The following WDR81 variants were observed in gnomAD, a reference collection of about 807,000 sequenced individuals.
WDR81 encodes the protein WD repeat domain 81.
Under a neutral mutation model 140.8 loss-of-function variants are expected in WDR81, and 92 were observed. The observed-to-expected ratio is 0.65, with a 90% CI of 0.55 to 0.78. WDR81 has a LOEUF of 0.78. Ranked by LOEUF, WDR81 falls within the 30% of genes least tolerant of loss-of-function variation. WDR81 has a pLI of 0.00. For missense variants in WDR81, 2,502 were observed against 2,636.4 expected (o/e 0.95, Z 1.12); for synonymous variants, 1,183 against 1,156.4 (o/e 1.02, Z -0.47).
chr17:1,730,557 T>G (rs984381005), intron 2 of WDR81, 70 bp downstream of exon 2: 1 of 1,504,368 alleles, frequency 6.6e-7, no homozygotes, highest in African/African-American at 1.4e-5. Flanking sequence ...TTCAGCGCTC[T>G]CCGGCGGGGA....
Position 1,725,670 on chromosome 17 carries a change from C to G in WDR81, c.711C>G (p.Tyr237Ter). The part of the protein sequence containing the change: ...SPEMLYVVHP[Y>*]VQFSLHDVVT... ...AGATGCTGTATGTGGTACACCCTTA[C>G]GTACAGTTCTCCCTACATGACGTGG... Residue 237 changes from tyrosine to a stop codon, truncating the protein, a stop_gained, in exon 1 of 10, where the codon TAC becomes TAG. Coordinates refer to ENST00000409644, the MANE Select transcript of WDR81 (RefSeq NM_001163809.2). LOFTEE classifies it high-confidence loss of function. 6.5e-7 allele frequency: 1 copy of G among 1,548,038 alleles called. No homozygotes were observed. Among genetic ancestry groups the G allele is most frequent in the Non-Finnish European group, 8.7e-7 (1 of 1,147,008 alleles).
rs773836413 is a variant in WDR81, at chr17:1,737,638, C to T, written c.5779C>T (p.His1927Tyr). ...TSLALLPTKR[H>Y]LLLGSDNGVI... ...CCTGGCCTTGCTGCCCACTAAACGC[C>T]ACCTCCTGCTGGGCTCAGACAACGG... The change falls in exon 10 of 10, where the codon CAC (histidine) becomes TAC (tyrosine). Residue 1927 changes from histidine to tyrosine, a missense_variant. Coordinates refer to ENST00000409644, the MANE Select transcript of WDR81 (RefSeq NM_001163809.2). The T allele has an allele frequency of 6.2e-7, 1 of 1,612,428 alleles. No individual in the cohort carries two copies. Among genetic ancestry groups the T allele is most frequent in the Non-Finnish European group, 8.5e-7 (1 of 1,179,964 alleles).
chr17:1,730,536 C>T (rs1174006761), intron 2 of WDR81, 49 bp downstream of exon 2: 4 of 1,563,500 alleles, frequency 2.6e-6, no homozygotes, highest in African/African-American at 1.4e-5. Flanking sequence ...CTCCCAGGCC[C>T]TCTGCCTAGC....
chr17:1,727,841 A>C lies in WDR81; in HGVS notation c.2882A>C (p.Tyr961Ser), dbSNP rs766050644. ...CTGGGCCCCAAAAATGCCAATAAGT[A>C]CCTCCTGAAGCCGCTCATTGGTGCC... ...KALGPKNANK[Y>S]LLKPLIGAYE... The change falls in exon 1 of 10, where the codon TAC becomes TCC. Residue 961 changes from tyrosine (Y) to serine (S), a missense_variant. Coordinates refer to ENST00000409644, the MANE Select transcript of WDR81 (RefSeq NM_001163809.2). The C allele has an allele frequency of 6.4e-7, 1 of 1,550,414 alleles. No individual in the cohort carries two copies. Among genetic ancestry groups the C allele is most frequent in the African/African-American group, 1.4e-5 (1 of 73,112 alleles).
At position 1,736,163 on chromosome 17, in the gene WDR81, C is replaced by T. The variant is rs1415770256; in HGVS notation, c.5450C>T (p.Thr1817Ile). ...TTCATGGTGCTCCTGGACACCCGCA[C>T]AGGCCTGGTTCTGCGAGGCTGGCCA... Reference protein sequence around the residue: ...SGFMVLLDTRTGLVLRGWPAH... With the variant: ...SGFMVLLDTRIGLVLRGWPAH... The change falls in exon 9 of 10, where the codon ACA becomes ATA. Residue 1817 changes from threonine to isoleucine, a missense_variant. Around this residue, in one of 3 missense-constraint regions of WDR81, gnomAD observed 1,737 missense variants for 1,843.0 expected, o/e 0.94. Transcript: ENST00000409644. The T allele has an allele frequency of 6.2e-6, 10 of 1,601,282 alleles. No individual in the cohort carries two copies. The highest frequency in any genetic ancestry group is 8.5e-6 in the Non-Finnish European group (10 of 1,179,728).
exon 1 of WDR81, chr17:1,716,625 GCGCGC>G (rs1373769478): frequency 1.3e-6 from 2 of 1,551,724 alleles, no homozygotes; most frequent in South Asian, 2.4e-5. Context: ...CCAGAACCCA[GCGCGC>G]TCTGTGAGTT....
chr17:1,734,824 C>T (rs1004121147), intron 7 of WDR81, among the ~76,000 whole-genome samples: 3 of 151,038 alleles, frequency 2.0e-5, no homozygotes, highest in African/African-American at 7.3e-5. Flanking sequence ...GTTTTGGCTT[C>T]ATGTGTAGCA....
chr17:1,732,371 A>G lies in WDR81; in HGVS notation c.4204A>G (p.Ile1402Val). 6.2e-7 allele frequency: 1 copy of G among 1,613,604 alleles called. No homozygotes were observed. Among genetic ancestry groups the G allele is most frequent in the South Asian group, 1.1e-5 (1 of 91,092 alleles). ...TCGGACCATCCTGTGTGTGAAAACC[A>G]TCAGCCTCATCGCCCTCATCTGCCT... ...QARTILCVKT[I>V]SLIALICLRI... The change falls in exon 5 of 10, where the codon ATC becomes GTC. Residue 1402 changes from isoleucine to valine, a missense_variant. By Grantham distance (29) the Ile-to-Val change is conservative. Coordinates refer to ENST00000409644, the MANE Select transcript of WDR81 (RefSeq NM_001163809.2).
chr17:1,726,219 A>T lies in WDR81; in HGVS notation c.1260A>T (p.Thr420=), dbSNP rs1915244499. The change falls in exon 1 of 10, where the codon ACA becomes ACT. Residue 420 remains threonine, a synonymous_variant. Coordinates refer to ENST00000409644, the MANE Select transcript of WDR81 (RefSeq NM_001163809.2). Reference sequence around the variant, plus strand: ...AACTGGACTTCACGTATGAGATGACACGGCAGGCATTCGTAGCAGGCGGGG... The same window carrying T: ...AACTGGACTTCACGTATGAGATGACTCGGCAGGCATTCGTAGCAGGCGGGG... ...DKQLDFTYEM[T]RQAFVAGGAG... is the part of the protein sequence containing the mutation. The T allele has an allele frequency of 2.0e-6, 3 of 1,532,832 alleles. No homozygotes were observed. The East Asian group carries it at 7.4e-5, about 38-fold the overall frequency. 95.0% of individuals were successfully genotyped at this position (1,532,832 alleles called of 1,614,324 possible). A position where few individuals can be genotyped will look rare whatever the true frequency, so the allele number is the denominator to read the frequency against.
chr17:1,730,307 G>T (rs1414143056), intron 1 of WDR81, 73 bp from the exon 2 acceptor site: 3 of 1,272,494 alleles, frequency 2.4e-6, no homozygotes, highest in Non-Finnish European at 3.3e-6. Context: ...TGAGTGGGGT[G>T]CCGTGGGGTG....
chr17:1,724,966 C>T lies in WDR81; in HGVS notation c.7C>T (p.Gln3Ter), dbSNP rs1326596769. 1.4e-6 allele frequency: 2 copies of T among 1,449,584 alleles called. No individual in the cohort carries two copies. The allele number at this position is 1,449,584 out of a possible 1,614,324, so 89.8% of individuals were successfully genotyped here. A position where few individuals can be genotyped will look rare whatever the true frequency, so the allele number is the denominator to read the frequency against. The change falls in exon 1 of 10, where the codon CAG becomes TAG. Residue 3 changes from glutamine to a stop codon, truncating the protein, a stop_gained. Transcript: ENST00000409644. LOFTEE classifies it high-confidence loss of function. MA[Q>*]GSGGREGALR... ...CCCGGGCGGCCTGGAGGAGATGGCC[C>T]AGGGCAGCGGGGGGCGGGAAGGCGC... is the stretch of plus-strand genomic sequence containing the variant.
At position 1,737,825 on chromosome 17, in the gene WDR81, G is replaced by T. The variant is rs1162585224; in HGVS notation, c.*140G>T. ...GGTGCCCACATGGCCTGCCAACTAG[G>T]GCCTGCAAATGGAGTGGGGGAGTCC... On this transcript the variant is annotated 3_prime_UTR_variant, in exon 10 of 10. Coordinates refer to ENST00000409644, the MANE Select transcript of WDR81 (RefSeq NM_001163809.2). 8.9e-7 allele frequency: 1 copy of T among 1,118,872 alleles called. No homozygotes were observed. The highest frequency in any genetic ancestry group is 1.6e-5 in the South Asian group (1 of 61,226). 69.3% of individuals were successfully genotyped at this position (1,118,872 alleles called of 1,614,324 possible).
In WDR81 at chr17:1,732,437, C is replaced by T; in HGVS notation, c.4270C>T (p.Pro1424Ser). ...QEMVQQHLSE[P>S]VATFFQVFSQ... ...GATGGTCCAGCAGCACCTGAGCGAG[C>T]CCGTGGCCACCTTTTTCCAGGTCTT... The change falls in exon 5 of 10, where the codon CCC becomes TCC. Residue 1424 changes from proline to serine, a missense_variant. Physicochemically the swap from Pro to Ser is moderately conservative, Grantham distance 74. Transcript: ENST00000409644. The T allele has an allele frequency of 6.2e-7, 1 of 1,613,568 alleles. No individual in the cohort carries two copies. The highest frequency in any genetic ancestry group is 8.5e-7 in the Non-Finnish European group (1 of 1,180,026).
chr17:1,737,766 C>T lies in WDR81; in HGVS notation c.*81C>T. ...ACTCACCCTGTTCCCTGAGCAGCAG[C>T]TCCCTCCAGGGAGGCCCTGGGTCCC... On this transcript the variant is annotated 3_prime_UTR_variant, in exon 10 of 10. Transcript: ENST00000409644. 1 of 1,479,376 alleles carries T rather than the reference C, an allele frequency of 6.8e-7. No individual in the cohort carries two copies. Among genetic ancestry groups the T allele is most frequent in the African/African-American group, 1.4e-5 (1 of 72,110 alleles). 91.6% of individuals were successfully genotyped at this position (1,479,376 alleles called of 1,614,324 possible). A position where few individuals can be genotyped will look rare whatever the true frequency, so the allele number is the denominator to read the frequency against.
At position 1,725,085 on chromosome 17, in the gene WDR81, C is replaced by A; in HGVS notation, c.126C>A (p.Pro42=). The A allele has an allele frequency of 6.7e-7, 1 of 1,498,610 alleles. No homozygotes were observed. 92.8% of individuals were successfully genotyped at this position (1,498,610 alleles called of 1,614,324 possible). A position where few individuals can be genotyped will look rare whatever the true frequency, so the allele number is the denominator to read the frequency against. The change falls in exon 1 of 10, where the codon CCC becomes CCA. Residue 42 remains proline, a synonymous_variant. Coordinates refer to ENST00000409644, the MANE Select transcript of WDR81 (RefSeq NM_001163809.2). ...RSVERDLSID[P]RQLAPAPGGT... ...TGGAGAGGGACCTGAGCATCGATCCCAGGCAGCTGGCTCCGGCCCCGGGGG... is the reference window on the plus strand; with the variant it reads ...TGGAGAGGGACCTGAGCATCGATCCAAGGCAGCTGGCTCCGGCCCCGGGGG...
chr17:1,719,691 C>G (rs149822478), intron 1 of WDR81, among the ~76,000 whole-genome samples: 30 of 150,344 alleles, frequency 2.0e-4, no homozygotes, highest in Non-Finnish European at 8.9e-5. Context: ...GTGGCAAGAC[C>G]CTCTTTAAAA....
At position 1,728,163 on chromosome 17, in the gene WDR81, G is replaced by T; in HGVS notation, c.3204G>T (p.Thr1068=). The T allele has an allele frequency of 6.2e-7, 1 of 1,606,140 alleles. No individual in the cohort carries two copies. Among genetic ancestry groups the T allele is most frequent in the Non-Finnish European group, 8.5e-7 (1 of 1,174,892 alleles). The change falls in exon 1 of 10, where the codon ACG becomes ACT. Residue 1068 remains threonine, a synonymous_variant. Coordinates refer to ENST00000409644, the MANE Select transcript of WDR81 (RefSeq NM_001163809.2). ...CGGGCCTGGGGCTCCCAGACTACAC[G>T]TCTGGCGTCAGCTTCCACGACCAGG... The part of the protein sequence containing the change: ...ASSGLGLPDY[T]SGVSFHDQAD...
At chr17:1,716,842 G>C in intron 1 of WDR81, 1 of 624,088 alleles carries the variant, frequency 1.6e-6, no homozygotes, top group Non-Finnish European at 2.8e-6. Context: ...CAGGGCAGCA[G>C]AGACTGCCGT....
intron 1 of WDR81, chr17:1,716,850 C>G (rs1914592746): frequency 1.6e-6 from 1 of 606,474 alleles, no homozygotes; most frequent in Non-Finnish European, 2.9e-6. Flanking sequence ...CAGAGACTGC[C>G]GTTGGAGAGC....
Sources: allele counts gnomAD v4.1 joint callset (sites outside exome capture counted in the v4.1 genomes callset), GRCh38; gene constraint gnomAD v4.1.1; regional missense constraint gnomAD v4.1.1; transcripts MANE v1.5; gene names NCBI Gene and HGNC (gene_info 2026-07-23, HGNC 2026-07-21).